Variants in ROR1 observed in about 807,000 individuals in gnomAD.
ROR1 encodes the protein inactive tyrosine-protein kinase transmembrane receptor ROR1.
ROR1 carries 19 observed loss-of-function variants against 78.8 expected under a neutral mutation model. The observed-to-expected ratio is 0.24, with a 90% CI of 0.17 to 0.35. ROR1 has a LOEUF of 0.35. ROR1 is among the 10% of genes least tolerant of loss of function. The pLI is 1.00. For synonymous variants in ROR1, 386 were observed against 433.6 expected (o/e 0.89, Z 1.36); for missense variants, 917 against 1,177.8 (o/e 0.78, Z 3.24).
intron 1 of ROR1, among the ~76,000 whole-genome samples, chr1:63,879,915 G>A (rs1014539386): frequency 6.6e-6 from 1 of 152,130 alleles, no homozygotes; most frequent in African/African-American, 2.4e-5. Flanking sequence ...TATAGTAGTG[G>A]TTGGAGTAGG....
intron 1 of ROR1, among the ~76,000 whole-genome samples, chr1:63,855,697 G>T (rs1291974306): frequency 6.6e-6 from 1 of 151,086 alleles, no homozygotes; most frequent in Non-Finnish European, 1.5e-5. Flanking sequence ...TTGTCAGGCT[G>T]GAGTGCAGTG....
chr1:64,068,929 AG>A (rs1196101711), intron 4 of ROR1, among the ~76,000 whole-genome samples: 1 of 152,162 alleles, frequency 6.6e-6, no homozygotes, highest in Non-Finnish European at 1.5e-5. Flanking sequence ...ACTGAAGAAA[AG>A]TTTCTGCAAT....
Position 64,159,126 on chromosome 1 carries a change from G to C in ROR1, c.1320G>C (p.Gln440His). The C allele has an allele frequency of 6.2e-7, 1 of 1,614,138 alleles. No individual in the cohort carries two copies. The change falls in exon 8 of 9, where the codon CAG becomes CAC. Residue 440 changes from glutamine (Q) to histidine (H), a missense_variant. Gln to His is a conservative substitution (Grantham distance 24). Transcript: ENST00000371079. ...AGAAGTCATCGTCGGCACCAGTCCA[G>C]AGGCAACCAAAACACGTCAGAGGTC... is the stretch of plus-strand genomic sequence containing the variant. Reference protein sequence around the residue: ...NNQKSSSAPVQRQPKHVRGQN... With the variant: ...NNQKSSSAPVHRQPKHVRGQN...
At chr1:63,907,900 T>C (rs551572103) in intron 1 of ROR1, among the ~76,000 whole-genome samples, 18 of 152,306 alleles carry the variant, frequency 1.2e-4, no homozygotes, top group African/African-American at 4.1e-4. Context: ...GAGAAATAAA[T>C]CTGCTTTATG....
intron 2 of ROR1, among the ~76,000 whole-genome samples, chr1:64,043,464 CT>C (rs1162849980): frequency 2.6e-5 from 4 of 152,140 alleles, no homozygotes; most frequent in Non-Finnish European, 5.9e-5. Flanking sequence ...TTGCAGTTTG[CT>C]TTTTCTGGTT....
intron 4 of ROR1, among the ~76,000 whole-genome samples, chr1:64,085,186 A>C (rs986084416): frequency 3.3e-5 from 5 of 152,224 alleles, no homozygotes; most frequent in African/African-American, 1.2e-4. Context: ...AAATATTTAA[A>C]TGAGCACATG....
At position 64,140,391 on chromosome 1, in the gene ROR1, G is replaced by A. The variant is rs200894406; in HGVS notation, c.893G>A (p.Arg298Gln). 42 of 1,613,958 alleles carry A rather than the reference G, an allele frequency of 2.6e-5. No individual in the cohort carries two copies. The highest frequency in any genetic ancestry group is 1.6e-4 in the Middle Eastern group (1 of 6,084). The change falls in exon 6 of 9, where the codon CGG becomes CAG. Residue 298 changes from arginine (R) to glutamine (Q), a missense_variant. Physicochemically the swap from Arg to Gln is conservative, Grantham distance 43. Transcript: ENST00000371079. ...AGCCCAGAAGCTGCGAACTGTATCC[G>A]GATTGGAATTCCCATGGCAGATCCT... Reference protein sequence around the residue: ...PESPEAANCIRIGIPMADPIN... With the variant: ...PESPEAANCIQIGIPMADPIN...
chr1:63,847,820 T>A (rs115388294), intron 1 of ROR1, among the ~76,000 whole-genome samples: 160 of 152,306 alleles, frequency 1.1e-3, no homozygotes, highest in Non-Finnish European at 1.7e-3. Context: ...TCAGATATAC[T>A]CCCTGCTGCT....
intron 8 of ROR1, among the ~76,000 whole-genome samples, chr1:64,177,224 G>A (rs539362154): frequency 6.6e-6 from 1 of 152,356 alleles, no homozygotes; most frequent in Non-Finnish European, 1.5e-5. Context: ...TGGGTTGAGG[G>A]AAAGGGATAG....
intron 8 of ROR1, among the ~76,000 whole-genome samples, chr1:64,167,540 G>T (rs1222797754): frequency 6.6e-6 from 1 of 152,168 alleles, no homozygotes; most frequent in African/African-American, 2.4e-5. Flanking sequence ...AATGGCTGTG[G>T]CCTCTAAGCT....
At chr1:63,882,325 C>G (rs939956368) in intron 1 of ROR1, among the ~76,000 whole-genome samples, 1 of 152,118 alleles carries the variant, frequency 6.6e-6, no homozygotes, top group African/African-American at 2.4e-5. Flanking sequence ...TAAAAAAATA[C>G]CGATCCTTGA....
chr1:63,829,611 G>A (rs1002820572), intron 1 of ROR1, among the ~76,000 whole-genome samples: 2 of 152,192 alleles, frequency 1.3e-5, no homozygotes, highest in African/African-American at 4.8e-5. Flanking sequence ...GTCTGGAAGT[G>A]CAGAACCATA....
At chr1:63,899,797 G>T (rs1222120484) in intron 1 of ROR1, among the ~76,000 whole-genome samples, 1 of 151,652 alleles carries the variant, frequency 6.6e-6, no homozygotes, top group Admixed American at 6.6e-5. Context: ...TTTTATGTGC[G>T]ATTGGACAAT....
intron 1 of ROR1, among the ~76,000 whole-genome samples, chr1:63,838,499 A>G (rs1271800112): frequency 1.1e-4 from 16 of 152,140 alleles, no homozygotes; most frequent in Admixed American, 9.8e-4. Flanking sequence ...AAAAATGTTT[A>G]AATAGAAAAA....
intron 7 of ROR1, among the ~76,000 whole-genome samples, chr1:64,151,988 G>C (rs1383426734): frequency 6.6e-6 from 1 of 152,044 alleles, no homozygotes; most frequent in Non-Finnish European, 1.5e-5. Context: ...GCCTCTACTT[G>C]AACATTGCCA....
At chr1:64,102,697 C>G (rs189245727) in intron 4 of ROR1, among the ~76,000 whole-genome samples, 1 of 152,154 alleles carries the variant, frequency 6.6e-6, no homozygotes, top group African/African-American at 2.4e-5. Context: ...GGTTTGATCG[C>G]CTTCGCTTTT....
At position 64,008,699 on chromosome 1, in the gene ROR1, A is replaced by G. The variant is rs534482257; in HGVS notation, c.92-606A>G. Among the ~76,000 whole-genome samples, 47 of 152,162 alleles carry G rather than the reference A, an allele frequency of 3.1e-4. 1 individual carries two copies. Among genetic ancestry groups the G allele is most frequent in the Admixed American group, 2.4e-3 (36 of 15,282 alleles). On this transcript the variant is annotated intron_variant, in intron 1 of 8. Coordinates refer to ENST00000371079, the MANE Select transcript of ROR1 (RefSeq NM_005012.4). ...AGCCAGGCTGGATTTCAGTGGCACC[A>G]TTTCAGCTCACTGCAACCTCCGCCT...
intron 1 of ROR1, among the ~76,000 whole-genome samples, chr1:63,872,782 C>T (rs988583010): frequency 4.6e-5 from 7 of 152,124 alleles, no homozygotes; most frequent in Non-Finnish European, 7.4e-5. Context: ...TTTGGATTGT[C>T]CATTATTTAT....
Position 64,165,834 on chromosome 1 carries a change from A to C in ROR1, c.1386+6642A>C, listed in dbSNP as rs1331334587. On this transcript the variant is annotated intron_variant, in intron 8 of 8. Coordinates refer to ENST00000371079, the MANE Select transcript of ROR1 (RefSeq NM_005012.4). ...ATTATCATGCCTCAGCCTCCTGAGTAGCTGGGACTACAGGCATGTACCACC... is the reference window on the plus strand; with the variant it reads ...ATTATCATGCCTCAGCCTCCTGAGTCGCTGGGACTACAGGCATGTACCACC... Among the ~76,000 whole-genome samples, 3 of 150,452 alleles carry C rather than the reference A, an allele frequency of 2.0e-5. No individual in the cohort carries two copies. In the Admixed American group the frequency reaches 2.0e-4, roughly 10 times the overall value.
Sources: allele counts gnomAD v4.1 joint callset (sites outside exome capture counted in the v4.1 genomes callset), GRCh38; gene constraint gnomAD v4.1.1; transcripts MANE v1.5; gene names NCBI Gene and HGNC (gene_info 2026-07-23, HGNC 2026-07-21).